Variants in ANK2 observed in about 807,000 individuals in gnomAD.
ANK2 encodes the protein ankyrin 2.
In ANK2, 83 loss-of-function variants were observed where a neutral mutation model predicts 360.5. The ratio of observed to expected loss-of-function variants is 0.23; its 90% confidence interval spans 0.19 to 0.28. ANK2 has a LOEUF of 0.28. ANK2 is among the 10% of genes least tolerant of loss of function. The pLI, the probability that ANK2 is intolerant of heterozygous loss-of-function variation, is 1.00. For synonymous variants in ANK2, 1,740 were observed against 1,759.5 expected (o/e 0.99, Z 0.28); for missense variants, 4,201 against 4,795.7 (o/e 0.88, Z 3.66).
chr4:112,827,750 G>A (rs553358640), intron 1 of ANK2: 13 of 470,316 alleles, frequency 2.8e-5, no homozygotes, highest in Non-Finnish European at 3.8e-5. Flanking sequence ...TTTCATGCTC[G>A]TGGATAGGAA....
chr4:113,154,675 T>G (rs1164188868), intron 1 of ANK2, among the ~76,000 whole-genome samples: 2 of 152,238 alleles, frequency 1.3e-5, no homozygotes, highest in African/African-American at 4.8e-5. Flanking sequence ...TTCAAGAAAG[T>G]AAATAATGAA....
intron 41 of ANK2, among the ~76,000 whole-genome samples, chr4:113,365,872 C>T (rs1282189913): frequency 6.6e-6 from 1 of 152,152 alleles, no homozygotes; most frequent in Non-Finnish European, 1.5e-5. Context: ...AATGCATATA[C>T]TTAACTCTAC....
intron 9 of ANK2, among the ~76,000 whole-genome samples, chr4:113,246,723 TATA>T (rs1343219268): frequency 5.9e-5 from 9 of 152,138 alleles, no homozygotes; most frequent in African/African-American, 2.2e-4. Flanking sequence ...TGTTATTAGG[TATA>T]ATAATTAAAG....
At chr4:113,143,042 T>G (rs946421908) in intron 1 of ANK2, among the ~76,000 whole-genome samples, 2 of 151,792 alleles carry the variant, frequency 1.3e-5, no homozygotes, top group African/African-American at 4.8e-5. Flanking sequence ...TGTAGTCCAG[T>G]TAAATATTGA....
intron 2 of ANK2, among the ~76,000 whole-genome samples, chr4:112,940,319 T>C (rs1226975713): frequency 1.3e-5 from 2 of 152,172 alleles, no homozygotes; most frequent in Admixed American, 1.3e-4. Context: ...GAGAAGCCGT[T>C]CTTAAATACT....
chr4:112,708,151 A>C, the ANK2 span, among the ~76,000 whole-genome samples: 46 of 152,356 alleles, frequency 3.0e-4, no homozygotes, highest in Admixed American at 2.1e-3. Flanking sequence ...GAAAAACGGA[A>C]GGGAAAACCG....
At chr4:113,292,169 T>G (rs543629822) in intron 20 of ANK2, among the ~76,000 whole-genome samples, 1 of 152,296 alleles carries the variant, frequency 6.6e-6, no homozygotes, top group East Asian at 1.9e-4. Flanking sequence ...GGTTAAAATG[T>G]AATAATAGTT....
intron 1 of ANK2, among the ~76,000 whole-genome samples, chr4:113,137,092 C>A (rs13134977): frequency 0.038 from 5,706 of 152,132 alleles, 147 homozygotes; most frequent in Non-Finnish European, 0.058. Flanking sequence ...CCTTGGCCCC[C>A]CAAAGTGCTG....
the ANK2 span, among the ~76,000 whole-genome samples, chr4:112,757,818 C>T: frequency 1.3e-4 from 20 of 151,846 alleles, no homozygotes; most frequent in African/African-American, 4.6e-4. Flanking sequence ...GATTGAGAAG[C>T]GCTATACGTA....
At chr4:112,950,444 A>AC (rs2094872843) in intron 2 of ANK2, among the ~76,000 whole-genome samples, 1 of 151,718 alleles carries the variant, frequency 6.6e-6, no homozygotes, top group Non-Finnish European at 1.5e-5. Flanking sequence ...GGAGATCGAG[A>AC]CCATCCTGGC....
intron 2 of ANK2, among the ~76,000 whole-genome samples, chr4:113,030,980 A>G (rs1487620120): frequency 1.3e-5 from 2 of 152,036 alleles, no homozygotes; most frequent in Admixed American, 6.6e-5. Context: ...GTGGGCTATC[A>G]GAGTGATAGA....
intron 2 of ANK2, among the ~76,000 whole-genome samples, chr4:112,985,416 G>C (rs1218046124): frequency 6.6e-6 from 1 of 152,176 alleles, no homozygotes; most frequent in Non-Finnish European, 1.5e-5. Flanking sequence ...TAGGCAATGA[G>C]AGCAGAAAGC....
rs547033817 is a variant in ANK2 at position 113,318,166 on chromosome 4, T to G, written c.2797-351T>G. Among the ~76,000 whole-genome samples the G allele has an allele frequency of 3.3e-5, 5 of 152,340 alleles. No homozygotes were observed. The South Asian group carries it at 1.0e-3, about 32-fold the overall frequency. On this transcript the variant is annotated intron_variant, in intron 25 of 45. Coordinates refer to ENST00000357077, the MANE Select transcript of ANK2 (RefSeq NM_001148.6). ...AATGGTACAGGTTAAGTTATATCTT[T>G]CAATATTTAAAATTGTTAGCTATGA...
In ANK2 at chr4:113,255,729, G is replaced by A. The variant is rs1238288537; in HGVS notation, c.991-6G>A. 2 of 1,612,734 alleles carry A rather than the reference G, an allele frequency of 1.2e-6. No homozygotes were observed. Among genetic ancestry groups the A allele is most frequent in the East Asian group, 2.2e-5 (1 of 44,854 alleles). ...GGACATTATTTTGTTTTCTTTTAAT[G>A]TGCAGAATGGGCTGTCTCCACTACA... On this transcript the variant is annotated splice_region_variant and splice_polypyrimidine_tract_variant and intron_variant, in intron 10 of 45. Transcript: ENST00000357077.
chr4:112,837,079 G>A (rs1375272040), intron 1 of ANK2, among the ~76,000 whole-genome samples: 1 of 152,208 alleles, frequency 6.6e-6, no homozygotes, highest in Non-Finnish European at 1.5e-5. Flanking sequence ...CAGGTGCAGA[G>A]GTCTAGGAGG....
At chr4:112,827,276 A>G in intron 1 of ANK2, 6 of 1,052,812 alleles carry the variant, frequency 5.7e-6, no homozygotes, top group Middle Eastern at 4.0e-4. Context: ...AAGGCAGCCA[A>G]GAGTCATTGT....
At chr4:113,291,362 A>T (rs1029678591) in intron 20 of ANK2, among the ~76,000 whole-genome samples, 6 of 152,176 alleles carry the variant, frequency 3.9e-5, no homozygotes, top group African/African-American at 1.4e-4. Context: ...CCTGTAATTG[A>T]TTTATATTTT....
chr4:113,244,163 T>C (rs964137779), intron 9 of ANK2, among the ~76,000 whole-genome samples: 5 of 152,182 alleles, frequency 3.3e-5, no homozygotes, highest in Non-Finnish European at 7.4e-5. Flanking sequence ...TAAATTTCAT[T>C]CAAGGATTTA....
chr4:113,307,992 A>C (rs1342596479), intron 23 of ANK2, among the ~76,000 whole-genome samples: 12 of 152,260 alleles, frequency 7.9e-5, no homozygotes. Flanking sequence ...AGTTATTCCA[A>C]GTATAGGAAA....
Sources: allele counts gnomAD v4.1 joint callset (sites outside exome capture counted in the v4.1 genomes callset), GRCh38; gene constraint gnomAD v4.1.1; transcripts MANE v1.5; gene names NCBI Gene and HGNC (gene_info 2026-07-23, HGNC 2026-07-21).